The following MAF variants were observed in gnomAD, a reference collection of about 807,000 sequenced individuals.
MAF encodes MAF bZIP transcription factor.
A neutral mutation model predicts 22.0 loss-of-function variants in MAF; 10 were observed. The observed-to-expected ratio is 0.45, with a 90% CI of 0.28 to 0.77. The LOEUF (loss-of-function observed/expected upper bound fraction) is 0.77. MAF is among the 30% of genes least tolerant of loss of function. The pLI is 0.12. For synonymous variants in MAF, 337 were observed against 255.8 expected (o/e 1.32, Z -3.03); for missense variants, 544 against 548.4 (o/e 0.99, Z 0.08).
the MAF span, among the ~76,000 whole-genome samples, chr16:79,504,304 A>G: frequency 6.6e-6 from 1 of 152,196 alleles, no homozygotes; most frequent in Non-Finnish European, 1.5e-5. Flanking sequence ...CCTCCACCTG[A>G]CACCAACTAC....
chr16:79,253,343 A>G, the MAF span, among the ~76,000 whole-genome samples: 1 of 152,090 alleles, frequency 6.6e-6, no homozygotes, highest in Non-Finnish European at 1.5e-5. Flanking sequence ...TCCCTGGACT[A>G]AAGTGTTGTT....
At chr16:79,553,353 C>A in the MAF span, among the ~76,000 whole-genome samples, 2 of 152,248 alleles carry the variant, frequency 1.3e-5, no homozygotes, top group African/African-American at 4.8e-5. Context: ...CTCTGGACCC[C>A]TGGCCCAGAG....
chr16:79,544,772 C>A, the MAF span, among the ~76,000 whole-genome samples: 2,059 of 112,626 alleles, frequency 0.018, no homozygotes, highest in African/African-American at 0.029. Context: ...GGCTCTGTCT[C>A]AAAAAAAAAA....
chr16:79,403,518 A>G, the MAF span, among the ~76,000 whole-genome samples: 1 of 151,930 alleles, frequency 6.6e-6, no homozygotes, highest in African/African-American at 2.4e-5. Context: ...TGCCAGGAAC[A>G]CCCTCTCTGG....
chr16:79,333,119 G>A, the MAF span, among the ~76,000 whole-genome samples: 1 of 152,172 alleles, frequency 6.6e-6, no homozygotes, highest in Admixed American at 6.5e-5. Context: ...AGCGGGAGAT[G>A]GTGGTCCTGG....
chr16:79,382,168 T>C, the MAF span, among the ~76,000 whole-genome samples: 1 of 152,192 alleles, frequency 6.6e-6, no homozygotes, highest in Non-Finnish European at 1.5e-5. Context: ...AATATCAACA[T>C]GTCAGAGGGT....
chr16:79,449,204 G>A, the MAF span, among the ~76,000 whole-genome samples: 1 of 152,240 alleles, frequency 6.6e-6, no homozygotes, highest in Non-Finnish European at 1.5e-5. Flanking sequence ...GTAATGCCAA[G>A]TGACGAGGAG....
the MAF span, among the ~76,000 whole-genome samples, chr16:79,545,112 G>T: frequency 6.6e-6 from 1 of 151,966 alleles, no homozygotes; most frequent in Non-Finnish European, 1.5e-5. Context: ...TTAACTCCTG[G>T]AATATTAAAT....
chr16:79,407,920 G>A, the MAF span, among the ~76,000 whole-genome samples: 3 of 152,066 alleles, frequency 2.0e-5, no homozygotes, highest in East Asian at 3.9e-4. Flanking sequence ...ACAAGGAAAG[G>A]GGCGGGTTAT....
the MAF span, among the ~76,000 whole-genome samples, chr16:79,365,797 C>T: frequency 1.3e-4 from 20 of 152,270 alleles, no homozygotes; most frequent in South Asian, 1.9e-3. Flanking sequence ...AAATTGTTGA[C>T]GAGGTGCCAT....
the MAF span, among the ~76,000 whole-genome samples, chr16:79,361,382 G>A: frequency 1.6e-3 from 243 of 152,280 alleles, 4 homozygotes; most frequent in African/African-American, 5.5e-3. Context: ...AAGGTGCCTG[G>A]GTTGGAACTT....
the MAF span, among the ~76,000 whole-genome samples, chr16:79,352,750 T>C: frequency 1.1e-4 from 17 of 152,230 alleles, no homozygotes; most frequent in African/African-American, 4.1e-4. Flanking sequence ...CATAATCCTT[T>C]GTGGTAGGGG....
the MAF span, among the ~76,000 whole-genome samples, chr16:79,398,165 A>C: frequency 1.3e-4 from 19 of 151,998 alleles, 1 homozygote; most frequent in Middle Eastern, 3.4e-3. Flanking sequence ...CTTCAAATCA[A>C]ATCACTCCAA....
chr16:79,351,310 T>A, the MAF span, among the ~76,000 whole-genome samples: 1 of 152,114 alleles, frequency 6.6e-6, no homozygotes, highest in African/African-American at 2.4e-5. Context: ...TAGAGGTAGC[T>A]CTCTACTAAG....
the MAF span, among the ~76,000 whole-genome samples, chr16:79,230,455 C>G: frequency 3.9e-5 from 6 of 152,146 alleles, no homozygotes; most frequent in Non-Finnish European, 7.4e-5. Context: ...TGCCCTTGCC[C>G]GGGTGGGCGG....
At chr16:79,541,386 G>A in the MAF span, among the ~76,000 whole-genome samples, 1 of 152,078 alleles carries the variant, frequency 6.6e-6, no homozygotes, top group Admixed American at 6.6e-5. Context: ...AACCCTTGTT[G>A]AGTGAGGCAG....
the MAF span, among the ~76,000 whole-genome samples, chr16:79,539,957 G>C: frequency 6.6e-6 from 1 of 152,100 alleles, no homozygotes; most frequent in Admixed American, 6.5e-5. Context: ...AGTATGAGAT[G>C]ATTTCTGTAA....
At chr16:79,580,648 C>T in the MAF span, among the ~76,000 whole-genome samples, 1 of 152,082 alleles carries the variant, frequency 6.6e-6, no homozygotes, top group Admixed American at 6.5e-5. Context: ...GCCCCAGCTC[C>T]ACGGCTTAGA....
At chr16:79,465,384 G>A in the MAF span, among the ~76,000 whole-genome samples, 1 of 152,142 alleles carries the variant, frequency 6.6e-6, no homozygotes, top group Non-Finnish European at 1.5e-5. Flanking sequence ...CTTGAGCCCA[G>A]GAGTTTGAGA....
Sources: gnomAD v4.1 joint callset for allele counts (sites outside exome capture counted in the v4.1 genomes callset) on GRCh38, gnomAD v4.1.1 for gene constraint, MANE v1.5 for transcripts, NCBI Gene and HGNC (gene_info 2026-07-23, HGNC 2026-07-21) for gene names.